MNAT1: variants seen among roughly 807,000 people sequenced by gnomAD.
MNAT1 encodes CDK-activating kinase assembly factor MAT1.
In MNAT1, 43 loss-of-function variants were observed where a neutral mutation model predicts 42.0. The observed-to-expected ratio is 1.02, with a 90% CI of 0.80 to 1.32. The LOEUF is 1.32. Ranked by LOEUF, MNAT1 falls within the 40% of genes most tolerant of loss-of-function variation. The pLI is 0.00. For missense variants in MNAT1, 306 were observed against 350.4 expected (o/e 0.87, Z 1.01); for synonymous variants, 118 against 120.0 (o/e 0.98, Z 0.11).
At chr14:60,794,648 A>AT (rs1453405051) in intron 1 of MNAT1, among the ~76,000 whole-genome samples, 12 of 88,180 alleles carry the variant, frequency 1.4e-4, no homozygotes, top group South Asian at 7.1e-4. Flanking sequence ...AAAAAAAAAA[A>AT]AAAAAAAAAA....
intron 7 of MNAT1, among the ~76,000 whole-genome samples, chr14:60,893,041 A>T (rs1475844199): frequency 1.3e-5 from 2 of 152,210 alleles, no homozygotes; most frequent in Middle Eastern, 3.4e-3. Flanking sequence ...TAATTTTTTT[A>T]AAAAAGATAT....
At chr14:60,866,146 G>A (rs1383980518) in intron 6 of MNAT1, among the ~76,000 whole-genome samples, 1 of 152,058 alleles carries the variant, frequency 6.6e-6, no homozygotes, top group East Asian at 1.9e-4. Flanking sequence ...TTTTGAAACA[G>A]CATAGATGCC....
Position 60,747,039 on chromosome 14 carries a change from A to G in MNAT1, c.89+12088A>G, listed in dbSNP as rs1304621109. Among the ~76,000 whole-genome samples, 107 of 143,042 alleles carry G rather than the reference A, an allele frequency of 7.5e-4. 3 individuals carry two copies. The highest frequency in any genetic ancestry group is 7.2e-3 in the Admixed American group (102 of 14,176). The allele number at this position is 143,042 out of a possible 152,430, so 93.8% of individuals were successfully genotyped here. The stretch of plus-strand genomic sequence containing the variant: ...CTCGCTCTGTCGCCCAGTCTGGAGT[A>G]CAGTGGTGCGATCTCGGCTCACTGC... On this transcript the variant is annotated intron_variant, in intron 1 of 7. Coordinates refer to ENST00000261245, the MANE Select transcript of MNAT1 (RefSeq NM_002431.4).
At chr14:60,906,519 T>G (rs1193251258) in intron 7 of MNAT1, among the ~76,000 whole-genome samples, 1 of 152,068 alleles carries the variant, frequency 6.6e-6, no homozygotes, top group Non-Finnish European at 1.5e-5. Context: ...AAGAAAGTGG[T>G]CAGATTATGG....
Position 60,906,384 on chromosome 14 carries a change from A to G in MNAT1, c.809+26549A>G, listed in dbSNP as rs2035200544. Among the ~76,000 whole-genome samples, 8 of 152,176 alleles carry G rather than the reference A, an allele frequency of 5.3e-5. No individual in the cohort carries two copies. In the South Asian group the frequency reaches 1.7e-3, roughly 32 times the overall value. ...GCCATAATATTACTTTCATCTAGAAAGGTCTGTCATCAGAGAGTAGATGGT... is the reference window on the plus strand; with the variant it reads ...GCCATAATATTACTTTCATCTAGAAGGGTCTGTCATCAGAGAGTAGATGGT... On this transcript the variant is annotated intron_variant, in intron 7 of 7. Coordinates refer to ENST00000261245, the MANE Select transcript of MNAT1 (RefSeq NM_002431.4).
At chr14:60,894,577 G>A (rs537623722) in intron 7 of MNAT1, among the ~76,000 whole-genome samples, 1 of 152,104 alleles carries the variant, frequency 6.6e-6, no homozygotes, top group East Asian at 1.9e-4. Flanking sequence ...AGTTTTAAAT[G>A]TAGGATGTGT....
At chr14:60,766,600 T>C (rs1487545307) in intron 1 of MNAT1, among the ~76,000 whole-genome samples, 2 of 150,766 alleles carry the variant, frequency 1.3e-5, no homozygotes, top group Non-Finnish European at 1.5e-5. Flanking sequence ...TAATCCCAGC[T>C]ACTCGGGAGG....
At chr14:60,811,802 T>A (rs2032553297) in intron 4 of MNAT1, among the ~76,000 whole-genome samples, 185 bp from the exon 5 acceptor site, 2 of 152,168 alleles carry the variant, frequency 1.3e-5, no homozygotes. Context: ...GTTGTTTTAT[T>A]TAATAGTAAC....
At chr14:60,948,642 C>T (rs2036326751) in intron 7 of MNAT1, among the ~76,000 whole-genome samples, 1 of 152,080 alleles carries the variant, frequency 6.6e-6, no homozygotes, top group African/African-American at 2.4e-5. Context: ...GTGACCAGTT[C>T]TCTTATCATT....
Position 60,770,974 on chromosome 14 carries a change from T to C in MNAT1, c.90-25243T>C, listed in dbSNP as rs148401764. On this transcript the variant is annotated intron_variant, in intron 1 of 7. Coordinates refer to ENST00000261245, the MANE Select transcript of MNAT1 (RefSeq NM_002431.4). ...CATAGGTATTGTTTCCAAATTTCTTTTTTGCTATAGGAAATTATACTGCTG... is the reference window on the plus strand; with the variant it reads ...CATAGGTATTGTTTCCAAATTTCTTCTTTGCTATAGGAAATTATACTGCTG... 3.6e-3 allele frequency among the ~76,000 whole-genome samples: 556 copies of C among 152,332 alleles called. 3 individuals are homozygous for C. The highest frequency in any genetic ancestry group is 0.012 in the African/African-American group (519 of 41,580).
chr14:60,821,145 G>C (rs2032878745), intron 6 of MNAT1, among the ~76,000 whole-genome samples: 1 of 152,024 alleles, frequency 6.6e-6, no homozygotes, highest in Non-Finnish European at 1.5e-5. Flanking sequence ...ATTATGTTAT[G>C]CTTTTTAAAA....
chr14:60,851,790 G>C (rs2033829175), intron 6 of MNAT1, among the ~76,000 whole-genome samples: 1 of 152,164 alleles, frequency 6.6e-6, no homozygotes, highest in Non-Finnish European at 1.5e-5. Flanking sequence ...TTATGAGTGA[G>C]AACATGCGGT....
At chr14:60,963,477 G>T (rs994798876) in intron 7 of MNAT1, among the ~76,000 whole-genome samples, 3 of 152,170 alleles carry the variant, frequency 2.0e-5, no homozygotes, top group African/African-American at 4.8e-5. Context: ...AGTGATAGTT[G>T]TGTGAGCGCA....
At chr14:60,805,342 C>T (rs1594766569) in intron 3 of MNAT1, among the ~76,000 whole-genome samples, 1 of 152,022 alleles carries the variant, frequency 6.6e-6, no homozygotes, top group Non-Finnish European at 1.5e-5. Flanking sequence ...TGCACAGCCT[C>T]CCCCATTATT....
intron 1 of MNAT1, among the ~76,000 whole-genome samples, chr14:60,764,116 G>A (rs953951899): frequency 3.3e-5 from 5 of 152,050 alleles, no homozygotes; most frequent in South Asian, 4.1e-4. Context: ...TTTTTAATGC[G>A]GTTAAGCCTG....
intron 6 of MNAT1, among the ~76,000 whole-genome samples, chr14:60,848,623 G>A (rs1011078767): frequency 1.2e-4 from 18 of 151,988 alleles, no homozygotes; most frequent in African/African-American, 3.9e-4. Flanking sequence ...TTTACTTCAT[G>A]TTGTGGCGTT....
At chr14:60,907,519 G>A (rs1042356537) in intron 7 of MNAT1, among the ~76,000 whole-genome samples, 1 of 151,534 alleles carries the variant, frequency 6.6e-6, no homozygotes, top group African/African-American at 2.4e-5. Context: ...CAATTGTGGG[G>A]ACATTTGAAA....
At chr14:60,805,982 C>T (rs2032356567) in intron 3 of MNAT1, among the ~76,000 whole-genome samples, 1 of 152,186 alleles carries the variant, frequency 6.6e-6, no homozygotes, top group Admixed American at 6.5e-5. Flanking sequence ...TATACCATTT[C>T]ACATTCCCAC....
At chr14:60,843,845 CCTAT>C (rs1393517232) in intron 6 of MNAT1, among the ~76,000 whole-genome samples, 1 of 152,014 alleles carries the variant, frequency 6.6e-6, no homozygotes, top group Non-Finnish European at 1.5e-5. Flanking sequence ...ATTTTTGTGT[CCTAT>C]CTAAGGAACC....
Sources: allele counts gnomAD v4.1 joint callset (sites outside exome capture counted in the v4.1 genomes callset), GRCh38; gene constraint gnomAD v4.1.1; transcripts MANE v1.5; gene names NCBI Gene and HGNC (gene_info 2026-07-23, HGNC 2026-07-21).